BAG6: variants seen among roughly 807,000 people sequenced by gnomAD.
BAG6 encodes large proline-rich protein BAG6.
In BAG6, 22 loss-of-function variants were observed where a neutral mutation model predicts 121.0. The ratio of observed to expected loss-of-function variants is 0.18; its 90% CI spans 0.13 to 0.26. BAG6 has a LOEUF of 0.26. BAG6 is among the 10% of genes least tolerant of loss of function. The pLI, the probability that BAG6 is intolerant of heterozygous loss-of-function variation, is 1.00. For missense variants in BAG6, 1,233 were observed against 1,537.7 expected, an observed-to-expected ratio of 0.80 and a Z score of 3.31; for synonymous variants, 583 against 584.6, an observed-to-expected ratio of 1.00 and a Z score of 0.04.
Position 31,641,388 on chromosome 6 carries a change from A to G in BAG6, c.2594T>C (p.Ile865Thr). 6.2e-7 allele frequency: 1 copy of G among 1,614,236 alleles called. No individual in the cohort carries two copies. ...LVQVQPGVDI[I>T]RTNLEFLQEQ... ...TTGGAGAAATTCCAGGTTTGTCCGGATGATGTCCACACCTGGCTGAACCTG... is the reference window on the plus strand; with the variant it reads ...TTGGAGAAATTCCAGGTTTGTCCGGGTGATGTCCACACCTGGCTGAACCTG... The change falls in exon 19 of 26, where the codon ATC (isoleucine) becomes ACC (threonine). Residue 865 changes from isoleucine (I) to threonine (T), a missense_variant. Coordinates refer to ENST00000676615, the MANE Select transcript of BAG6 (RefSeq NM_001387994.1). The surrounding 1 kb of genome is among the most constrained non-coding windows in gnomAD (Gnocchi z 5.7).
In BAG6 at chr6:31,639,097, G is replaced by C; in HGVS notation, c.*34C>G. On this transcript the variant is annotated 3_prime_UTR_variant, in exon 26 of 26. Coordinates refer to ENST00000676615, the MANE Select transcript of BAG6 (RefSeq NM_001387994.1). ...ACTGTGAAGGAAGAGGGGGGAAACG[G>C]TCCCCTGATGAGGAAGGGCCATAGA... The C allele has an allele frequency of 6.5e-7, 1 of 1,545,856 alleles. No individual in the cohort carries two copies. Among genetic ancestry groups the C allele is most frequent in the Non-Finnish European group, 8.9e-7 (1 of 1,128,172 alleles).
chr6:31,651,881 T>C (rs1431515842), intron 1 of BAG6, 105 bp from the exon 2 acceptor site: 3 of 742,092 alleles, frequency 4.0e-6, no homozygotes, highest in East Asian at 2.6e-5. Context: ...AAGTTTCTCC[T>C]GCACACACAC....
rs1022053020 is a variant in BAG6 at position 31,644,023 on chromosome 6, C to A, written c.1669-46G>T. 4 of 1,613,008 alleles carry A rather than the reference C, an allele frequency of 2.5e-6. No individual in the cohort carries two copies. Among genetic ancestry groups the A allele is most frequent in the Non-Finnish European group, 3.4e-6 (4 of 1,179,260 alleles). On this transcript the variant is annotated intron_variant, in intron 13 of 25. Transcript: ENST00000676615. The surrounding 1 kb of genome is among the most constrained non-coding windows in gnomAD (Gnocchi z 4.9). ...AATTTCAGACCTGCCCTTCCATGCA[C>A]CACCACAGGAGTCTCTCCCTAGACT...
In BAG6 at chr6:31,649,641, G is replaced by A. The variant is rs754692845; in HGVS notation, c.109-14C>T. On this transcript the variant is annotated splice_polypyrimidine_tract_variant and intron_variant, in intron 2 of 25. Transcript: ENST00000676615. ...TTTTACATTCATCTGAAAAGAAGAG[G>A]CATGCACAGGAATGGAAAGAATGGA... 2.0e-5 allele frequency: 32 copies of A among 1,600,580 alleles called. No homozygotes were observed. The highest frequency in any genetic ancestry group is 2.7e-5 in the Non-Finnish European group (31 of 1,167,870).
rs746326711 is a variant in BAG6, at chr6:31,647,825, C to T, written c.554G>A (p.Cys185Tyr). 1.9e-6 allele frequency: 3 copies of T among 1,540,324 alleles called. No individual in the cohort carries two copies. The South Asian group carries it at 3.8e-5, about 20-fold the overall frequency. Residue 185 changes from cysteine to tyrosine, a missense_variant and splice_region_variant, in exon 7 of 26, where the codon TGT becomes TAT. Around this residue, in one of 7 missense-constraint regions of BAG6, gnomAD observed 777 missense variants for 861.4 expected, o/e 0.90. Coordinates refer to ENST00000676615, the MANE Select transcript of BAG6 (RefSeq NM_001387994.1). ...GTGCTGCGGTTGGGGCCCTCCTCGA[C>T]ACTGAAGGTAGGGGAGAGTCAGGAT... is the stretch of plus-strand genomic sequence containing the variant. ...DIQTLLSRME[C>Y]RGGPQPQHSQ...
chr6:31,644,909 T>G lies in BAG6; in HGVS notation c.1369+37A>C, dbSNP rs528087246. On this transcript the variant is annotated intron_variant, in intron 10 of 25. Transcript: ENST00000676615. The surrounding 1 kb of genome is among the most constrained non-coding windows in gnomAD (Gnocchi z 4.9). ...ACCTCAGCATGAACCTCCCTCATCATGCTGATCCTGCTCTTCTCGCCAGCA... is the reference window on the plus strand; with the variant it reads ...ACCTCAGCATGAACCTCCCTCATCAGGCTGATCCTGCTCTTCTCGCCAGCA... 1 of 1,546,428 alleles carries G rather than the reference T, an allele frequency of 6.5e-7. No individual in the cohort carries two copies. The highest frequency in any genetic ancestry group is 8.7e-7 in the Non-Finnish European group (1 of 1,145,454).
chr6:31,644,853 T>A lies in BAG6; in HGVS notation c.1369+93A>T. 4 of 1,519,010 alleles carry A rather than the reference T, an allele frequency of 2.6e-6. No homozygotes were observed. Among genetic ancestry groups the A allele is most frequent in the Non-Finnish European group, 3.5e-6 (4 of 1,130,510 alleles). 94.1% of individuals were successfully genotyped at this position (1,519,010 alleles called of 1,614,324 possible). A position where few individuals can be genotyped will look rare whatever the true frequency, so the allele number is the denominator to read the frequency against. On this transcript the variant is annotated intron_variant, in intron 10 of 25. Coordinates refer to ENST00000676615, the MANE Select transcript of BAG6 (RefSeq NM_001387994.1). This position sits in a 1 kb window ranked among gnomAD's most constrained non-coding sequence, Gnocchi z 4.9. The stretch of plus-strand genomic sequence containing the variant: ...TCCCCAGGCTACCACCACCAGCATG[T>A]GCCTCTCCCTTCCCCACCCTGTTCC...
At position 31,639,645 on chromosome 6, in the gene BAG6, G is replaced by A. The variant is rs200917529; in HGVS notation, c.3248C>T (p.Thr1083Met). ...CAGCTGGGGGCCCTCACCCTGCATC[G>A]TCTGGGGGACAGGGGGTTGGGAGGG... ...LSGMPAKRRK[T>M]MQGEGPQLLL... Residue 1083 changes from threonine (T) to methionine (M), a missense_variant and splice_region_variant, in exon 25 of 26, where the codon ACG becomes ATG. Physicochemically the swap from Thr to Met is moderately conservative, Grantham distance 81 (BLOSUM62 -1). Transcript: ENST00000676615. 1.4e-5 allele frequency: 22 copies of A among 1,607,660 alleles called. No individual in the cohort carries two copies. Among genetic ancestry groups the A allele is most frequent in the South Asian group, 1.1e-4 (10 of 90,634 alleles).
chr6:31,647,341 G>A (rs1790893875), intron 7 of BAG6, among the ~76,000 whole-genome samples: 1 of 152,178 alleles, frequency 6.6e-6, no homozygotes, highest in Non-Finnish European at 1.5e-5. Flanking sequence ...CGTGAACTCA[G>A]AGGAGAATTC....
chr6:31,652,355 A>ACCCCCC (rs368810397), intron 1 of BAG6, 69 bp downstream of exon 1: 8 of 147,398 alleles, frequency 5.4e-5, no homozygotes, highest in African/African-American at 1.1e-4. Context: ...ACACACACAC[A>ACCCCCC]CACACCCACC....
rs779937707 is a variant in BAG6 at position 31,639,230 on chromosome 6, A to C, written c.3394-4T>G. 6.2e-7 allele frequency: 1 copy of C among 1,612,366 alleles called. No individual in the cohort carries two copies. Among genetic ancestry groups the C allele is most frequent in the East Asian group, 2.2e-5 (1 of 44,858 alleles). ...GTTTTTGTATATCAGACCGGAGCTA[A>C]AGAGAAAAAGTAAGCAGGTTGGAGA... On this transcript the variant is annotated splice_polypyrimidine_tract_variant and splice_region_variant and intron_variant, in intron 25 of 25. Transcript: ENST00000676615.
At chr6:31,639,857 C>A (rs1780790317) in intron 24 of BAG6, 2 of 694,754 alleles carry the variant, frequency 2.9e-6, no homozygotes, top group African/African-American at 1.8e-5. Context: ...TGTGCTTGAA[C>A]GTGCTCTTCA....
intron 9 of BAG6, 95 bp downstream of exon 9, chr6:31,645,312 C>T (rs1252897401): frequency 3.1e-6 from 5 of 1,607,226 alleles, no homozygotes; most frequent in Non-Finnish European, 4.2e-6. Context: ...TTTCCAGTCT[C>T]CTCCTTTCCT....
In BAG6 at chr6:31,639,492, G is replaced by C. The variant is rs1253878658; in HGVS notation, c.3393+8C>G. 5.6e-6 allele frequency: 9 copies of C among 1,612,182 alleles called. No individual in the cohort carries two copies. Among genetic ancestry groups the C allele is most frequent in the South Asian group, 2.2e-5 (2 of 90,890 alleles). ...CTAGACCATCCCTATTCTGCTTCAAGGTGGCACCTGCTGCCTGTAGCTCTC... is the reference window on the plus strand; with the variant it reads ...CTAGACCATCCCTATTCTGCTTCAACGTGGCACCTGCTGCCTGTAGCTCTC... On this transcript the variant is annotated splice_region_variant and intron_variant, in intron 25 of 25. Coordinates refer to ENST00000676615, the MANE Select transcript of BAG6 (RefSeq NM_001387994.1).
At chr6:31,651,494 G>A (rs143549842) in intron 2 of BAG6, among the ~76,000 whole-genome samples, 162 bp downstream of exon 2, 3 of 152,108 alleles carry the variant, frequency 2.0e-5, no homozygotes, top group Non-Finnish European at 2.9e-5. Context: ...AGTCGAGATC[G>A]CGCCACTGCA....
chr6:31,649,069 G>C, intron 4 of BAG6, 105 bp from the exon 5 acceptor site: 1 of 1,489,758 alleles, frequency 6.7e-7, no homozygotes, highest in Non-Finnish European at 9.1e-7. Context: ...CTTAAAGACT[G>C]AGACCAATAG....
chr6:31,639,397 G>A, intron 25 of BAG6, 103 bp downstream of exon 25: 2 of 1,527,624 alleles, frequency 1.3e-6, no homozygotes, highest in Non-Finnish European at 1.8e-6. Flanking sequence ...AAAACAAATG[G>A]TAGCACCAGG....
Position 31,642,335 on chromosome 6 carries a change from G to A in BAG6, c.2112C>T (p.Thr704=), listed in dbSNP as rs542084968. Residue 704 remains threonine (T), a synonymous_variant, in exon 16 of 26, where the codon ACC becomes ACT. Coordinates refer to ENST00000676615, the MANE Select transcript of BAG6 (RefSeq NM_001387994.1). The stretch of plus-strand genomic sequence containing the variant: ...CAGAAGGGGAGCCTGGTGGGGGCAT[G>A]GTCTGCTGCTCTGGGGCAGGTGGTG... ...PPPPPAPEQQ[T]MPPPGSPSGG... 59 of 1,525,594 alleles carry A rather than the reference G, an allele frequency of 3.9e-5. No individual in the cohort carries two copies. The highest frequency in any genetic ancestry group is 2.6e-4 in the Admixed American group (13 of 50,146). The allele number at this position is 1,525,594 out of a possible 1,614,324, so 94.5% of individuals were successfully genotyped here.
chr6:31,645,608 CGCA>C lies in BAG6; in HGVS notation c.919-7_919-5del. 4 of 1,612,788 alleles carry C rather than the reference CGCA, an allele frequency of 2.5e-6. No individual in the cohort carries two copies. The South Asian group carries it at 4.4e-5, about 18-fold the overall frequency. On this transcript the variant is annotated splice_region_variant and splice_polypyrimidine_tract_variant and intron_variant, in intron 8 of 25. Coordinates refer to ENST00000676615, the MANE Select transcript of BAG6 (RefSeq NM_001387994.1). The stretch of plus-strand genomic sequence containing the variant: ...GATCCTCCTCCCGGCCCTCGTGCTG[CGCA>C]CAACCAGCCAAACACAAAAAGGCAG...
Sources: gnomAD v4.1 joint callset for allele counts (sites outside exome capture counted in the v4.1 genomes callset) on GRCh38, gnomAD v4.1.1 for gene constraint, gnomAD v4.1.1 regional missense constraint, Gnocchi (gnomAD v3.1) non-coding constraint, MANE v1.5 for transcripts, NCBI Gene and HGNC (gene_info 2026-07-23, HGNC 2026-07-21) for gene names.